The following TRIM33 variants were observed in gnomAD, a reference collection of about 807,000 sequenced individuals.
The protein encoded by TRIM33 is E3 ubiquitin-protein ligase TRIM33.
TRIM33 carries 20 observed loss-of-function variants against 125.4 expected under a neutral mutation model. The observed-to-expected ratio is 0.16, with a 90% CI of 0.11 to 0.23. The LOEUF (loss-of-function observed/expected upper bound fraction) is 0.23, where lower values mean the gene tolerates loss of function less well. Among genes scored for constraint, TRIM33 ranks in the 10% least tolerant of loss-of-function variants. The probability of loss-of-function intolerance (pLI) is 1.00; values close to 1 mark genes in which losing one functional copy is unlikely to be tolerated. For synonymous variants in TRIM33, 564 were observed against 513.9 expected (o/e 1.10, Z -1.32); for missense variants, 920 against 1,411.4 (o/e 0.65, Z 5.58).
Position 114,444,157 on chromosome 1 carries a change from A to G in TRIM33, c.924-10424T>C, listed in dbSNP as rs549340162. 9.8e-5 allele frequency among the ~76,000 whole-genome samples: 15 copies of G among 152,340 alleles called. No homozygotes were observed. The East Asian group carries it at 2.5e-3, about 25-fold the overall frequency. On this transcript the variant is annotated intron_variant, in intron 4 of 19. Coordinates refer to ENST00000358465, the MANE Select transcript of TRIM33 (RefSeq NM_015906.4). Reference sequence around the variant, plus strand: ...GAGGCAAAAATCACGGTGTGGGCTCATGAGTGGCTGAAATCCACGGGGCAG... The same window carrying G: ...GAGGCAAAAATCACGGTGTGGGCTCGTGAGTGGCTGAAATCCACGGGGCAG...
At chr1:114,506,041 CT>C (rs1459654211) in intron 1 of TRIM33, among the ~76,000 whole-genome samples, 1 of 152,132 alleles carries the variant, frequency 6.6e-6, no homozygotes, top group Non-Finnish European at 1.5e-5. Context: ...ATTGCAAGAC[CT>C]GGAGAGACTT....
At position 114,495,372 on chromosome 1, in the gene TRIM33, G is replaced by A. The variant is rs150698263; in HGVS notation, c.526+15179C>T. On this transcript the variant is annotated intron_variant, in intron 1 of 19. Coordinates refer to ENST00000358465, the MANE Select transcript of TRIM33 (RefSeq NM_015906.4). ...AGGTATAATTTTACCACATTACCTC[G>A]GTGGCCTCATTTGTTTAAAAAAGAA... is the stretch of plus-strand genomic sequence containing the variant. Among the ~76,000 whole-genome samples, 3 of 152,060 alleles carry A rather than the reference G, an allele frequency of 2.0e-5. No homozygotes were observed. The East Asian group carries it at 5.8e-4, about 29-fold the overall frequency.
chr1:114,397,899 G>C (rs1177830905), intron 19 of TRIM33, 39 bp from the exon 20 acceptor site: 1 of 1,613,658 alleles, frequency 6.2e-7, no homozygotes, highest in Non-Finnish European at 8.5e-7. Context: ...TATTGGTAAT[G>C]CATATTCCTT....
At chr1:114,436,400 C>CAA (rs765728045) in intron 4 of TRIM33, among the ~76,000 whole-genome samples, 179 of 40,422 alleles carry the variant, frequency 4.4e-3, no homozygotes, top group Non-Finnish European at 6.0e-3. Context: ...GACTCTGTCT[C>CAA]AAAAAAAAAA....
intron 1 of TRIM33, among the ~76,000 whole-genome samples, chr1:114,485,789 TA>T (rs1238307294): frequency 6.6e-6 from 1 of 152,056 alleles, no homozygotes; most frequent in African/African-American, 2.4e-5. Context: ...AAATGAAGAT[TA>T]AATAGAATCG....
intron 11 of TRIM33, among the ~76,000 whole-genome samples, chr1:114,420,632 TTTATAC>T (rs1219493795): frequency 1.3e-5 from 2 of 152,246 alleles, no homozygotes; most frequent in Non-Finnish European, 2.9e-5. Context: ...GACTCAAATA[TTTATAC>T]TTAACTCTTT....
chr1:114,407,125 T>C (rs1426517280), intron 13 of TRIM33, 25 bp from the exon 14 acceptor site: 2 of 1,596,030 alleles, frequency 1.3e-6, no homozygotes, highest in African/African-American at 1.4e-5. Context: ...CAAATAAAGA[T>C]CACATACGTT....
At chr1:114,473,218 C>T (rs550138900) in intron 1 of TRIM33, among the ~76,000 whole-genome samples, 8 of 149,290 alleles carry the variant, frequency 5.4e-5, no homozygotes, top group Admixed American at 2.7e-4. Flanking sequence ...GATCATGCCA[C>T]TATACTCCAG....
intron 1 of TRIM33, among the ~76,000 whole-genome samples, chr1:114,488,812 G>A (rs775500848): frequency 1.3e-5 from 2 of 151,904 alleles, no homozygotes; most frequent in Non-Finnish European, 2.9e-5. Flanking sequence ...GAACCAAAAC[G>A]ATCTTGAAAA....
intron 12 of TRIM33, among the ~76,000 whole-genome samples, chr1:114,409,893 GAA>G (rs1267050859): frequency 1.3e-5 from 2 of 152,124 alleles, no homozygotes; most frequent in Non-Finnish European, 2.9e-5. Flanking sequence ...TTTTAAGAGA[GAA>G]GAGAAGACGG....
At chr1:114,469,440 C>T (rs187908015) in intron 1 of TRIM33, among the ~76,000 whole-genome samples, 4 of 152,214 alleles carry the variant, frequency 2.6e-5, no homozygotes, top group Admixed American at 6.5e-5. Context: ...TGCAAGATGC[C>T]GCTGTTCAAA....
intron 9 of TRIM33, among the ~76,000 whole-genome samples, chr1:114,425,104 C>A (rs533004134): frequency 1.3e-5 from 2 of 152,120 alleles, no homozygotes; most frequent in African/African-American, 2.4e-5. Context: ...AAGATCTGAA[C>A]AAATGCCTAA....
intron 13 of TRIM33, among the ~76,000 whole-genome samples, chr1:114,407,829 TAAAC>T (rs1036160617): frequency 2.0e-5 from 3 of 152,100 alleles, no homozygotes; most frequent in African/African-American, 7.2e-5. Context: ...AGCAGGGAAA[TAAAC>T]AGAAAGAATT....
intron 11 of TRIM33, among the ~76,000 whole-genome samples, chr1:114,419,433 T>C (rs1156635403): frequency 1.3e-5 from 2 of 152,204 alleles, no homozygotes; most frequent in Admixed American, 6.5e-5. Context: ...CCTCTCTTAC[T>C]CTTATCCATA....
chr1:114,405,885 A>G, intron 14 of TRIM33, 126 bp from the exon 15 acceptor site: 2 of 834,934 alleles, frequency 2.4e-6, no homozygotes, highest in South Asian at 1.9e-5. Flanking sequence ...TTTATAGATC[A>G]CAATAGTGCC....
chr1:114,473,188 C>A (rs1291915601), intron 1 of TRIM33, among the ~76,000 whole-genome samples: 1 of 148,144 alleles, frequency 6.8e-6, no homozygotes, highest in African/African-American at 2.5e-5. Flanking sequence ...ACTCGGGAGG[C>A]GGAGCTTGCA....
intron 15 of TRIM33, chr1:114,404,355 A>T (rs530616467): frequency 6.6e-6 from 1 of 151,618 alleles, no homozygotes; most frequent in South Asian, 2.1e-4. Flanking sequence ...CATGTTGGCC[A>T]GGCTGGTCTC....
At position 114,402,806 on chromosome 1, in the gene TRIM33, C is replaced by G; in HGVS notation, c.2846G>C (p.Ser949Thr). Residue 949 changes from serine (S) to threonine (T), a missense_variant, in exon 16 of 20, where the codon AGT becomes ACT. Ser to Thr is a moderately conservative substitution (Grantham distance 58). This residue lies in a region of TRIM33 where 122 missense variants were observed against 236.8 expected (regional missense o/e 0.52). Transcript: ENST00000358465. The part of the protein sequence containing the change: ...VEYDCDNLQH[S>T]KKGKTAQGLS... ...CCCCTGCGCAGTTTTCCCCTTCTTA[C>G]TATGTTGCAAATTATCACAATCATA... 2 of 1,614,122 alleles carry G rather than the reference C, an allele frequency of 1.2e-6. No individual in the cohort carries two copies. Among genetic ancestry groups the G allele is most frequent in the Non-Finnish European group, 1.7e-6 (2 of 1,180,016 alleles).
intron 11 of TRIM33, among the ~76,000 whole-genome samples, chr1:114,413,628 T>TAAAAAAAAAAAAAAAAAAAAAAAAGGA (rs1652742087): frequency 2.0e-5 from 1 of 50,860 alleles, no homozygotes; most frequent in Admixed American, 2.5e-4. Context: ...AGCAAAACTG[T>TAAAAAAAAAAAAAAAAAAAAAAAAGGA]AAAAAAAAAA....
Sources: gnomAD v4.1 joint callset for allele counts (sites outside exome capture counted in the v4.1 genomes callset) on GRCh38, gnomAD v4.1.1 for gene constraint, gnomAD v4.1.1 regional missense constraint, MANE v1.5 for transcripts, NCBI Gene and HGNC (gene_info 2026-07-23, HGNC 2026-07-21) for gene names.